The following MEF2A variants were observed in gnomAD, a reference collection of about 807,000 sequenced individuals.
MEF2A encodes myocyte-specific enhancer factor 2A.
In MEF2A, 28 loss-of-function variants were observed where a neutral mutation model predicts 55.8. The observed-to-expected ratio is 0.50, with a 90% CI of 0.37 to 0.69. The LOEUF is 0.69. Among genes scored for constraint, MEF2A ranks in the 30% least tolerant of loss-of-function variants. The pLI, the probability that MEF2A is intolerant of heterozygous loss-of-function variation, is 0.00. For synonymous variants in MEF2A, 239 were observed against 227.1 expected, an observed-to-expected ratio of 1.05 and a Z score of -0.47; for missense variants, 528 against 626.2, an observed-to-expected ratio of 0.84 and a Z score of 1.67.
At chr15:99,685,436 A>AT (rs35134205) in intron 7 of MEF2A, among the ~76,000 whole-genome samples, 12,392 of 144,526 alleles carry the variant, frequency 0.086, 598 homozygotes, top group East Asian at 0.18. Context: ...GTTCCTAAGT[A>AT]TTTTTTTTTT....
intron 3 of MEF2A, 86 bp from the exon 4 acceptor site, chr15:99,645,475 T>A: frequency 3.0e-6 from 3 of 991,960 alleles, no homozygotes; most frequent in Non-Finnish European, 4.5e-6. Context: ...TCTGGCTCAG[T>A]ATTAAGAAGA....
At chr15:99,591,292 T>C (rs1215032578) in intron 1 of MEF2A, among the ~76,000 whole-genome samples, 1 of 152,218 alleles carries the variant, frequency 6.6e-6, no homozygotes, top group African/African-American at 2.4e-5. Context: ...ATATTTCTGC[T>C]TTATATAGAT....
At chr15:99,601,810 TGTGTGTGTGTGTGTG>T (rs1973126348) in intron 2 of MEF2A, among the ~76,000 whole-genome samples, 1 of 2,310 alleles carries the variant, frequency 4.3e-4, no homozygotes, top group African/African-American at 5.0e-4. Context: ...GTCTGTTTTG[TGTGTGTGTGTGTGTG>T]TGTGTGTGTG....
chr15:99,670,168 T>C (rs2050575140), intron 4 of MEF2A, among the ~76,000 whole-genome samples: 1 of 152,228 alleles, frequency 6.6e-6, no homozygotes, highest in African/African-American at 2.4e-5. Context: ...TCTTGGTTTT[T>C]AATTTATCCT....
chr15:99,692,073 A>G (rs1017189684), intron 8 of MEF2A, among the ~76,000 whole-genome samples: 1 of 152,232 alleles, frequency 6.6e-6, no homozygotes, highest in Non-Finnish European at 1.5e-5. Context: ...AGCAGTTGCT[A>G]AACTCACCAT....
At chr15:99,579,552 G>A (rs1173376833) in intron 1 of MEF2A, among the ~76,000 whole-genome samples, 1 of 151,972 alleles carries the variant, frequency 6.6e-6, no homozygotes, top group Admixed American at 6.6e-5. Flanking sequence ...GTGCCACCAT[G>A]CCTGGCTAAT....
intron 4 of MEF2A, among the ~76,000 whole-genome samples, chr15:99,652,366 G>GAGGCAGAGCTC (rs2046999062): frequency 6.6e-6 from 1 of 152,142 alleles, no homozygotes; most frequent in Admixed American, 6.5e-5. Flanking sequence ...GATGTGACGG[G>GAGGCAGAGCTC]AGGCAGAGCT....
chr15:99,686,108 CT>C (rs551500101), intron 7 of MEF2A, among the ~76,000 whole-genome samples: 66 of 152,176 alleles, frequency 4.3e-4, no homozygotes, highest in Middle Eastern at 3.4e-3. Context: ...CACCCCTTTA[CT>C]TTATGTGAGT....
chr15:99,691,424 A>G (rs915725271), intron 8 of MEF2A, among the ~76,000 whole-genome samples: 2 of 152,156 alleles, frequency 1.3e-5, no homozygotes, highest in African/African-American at 4.8e-5. Flanking sequence ...CAGGCAGGGT[A>G]CAGTGGCTCA....
intron 7 of MEF2A, among the ~76,000 whole-genome samples, chr15:99,681,577 T>C (rs1459357985): frequency 6.6e-6 from 1 of 152,208 alleles, no homozygotes; most frequent in East Asian, 1.9e-4. Context: ...AGAAGATATG[T>C]TGCCTTTTGG....
intron 1 of MEF2A, among the ~76,000 whole-genome samples, chr15:99,572,298 G>C (rs762615208): frequency 6.6e-6 from 1 of 151,972 alleles, no homozygotes. Flanking sequence ...TCCCTCCTTG[G>C]GATATTCTTC....
intron 1 of MEF2A, among the ~76,000 whole-genome samples, chr15:99,568,886 A>T (rs899289611): frequency 6.6e-6 from 1 of 152,196 alleles, no homozygotes; most frequent in African/African-American, 2.4e-5. Flanking sequence ...TTATGCGATG[A>T]CACTATGAGA....
At chr15:99,651,235 G>A (rs2046801147) in intron 4 of MEF2A, among the ~76,000 whole-genome samples, 1 of 152,106 alleles carries the variant, frequency 6.6e-6, no homozygotes, top group Admixed American at 6.5e-5. Context: ...ATGAGTCGGA[G>A]GTGGAATCTG....
At chr15:99,697,069 CAATG>C (rs1471310973) in intron 8 of MEF2A, among the ~76,000 whole-genome samples, 2 of 151,396 alleles carry the variant, frequency 1.3e-5, no homozygotes, top group Non-Finnish European at 2.9e-5. Context: ...AAAAAAATCT[CAATG>C]AACTAGTAAT....
At chr15:99,695,032 A>C (rs2056208702) in intron 8 of MEF2A, among the ~76,000 whole-genome samples, 1 of 150,690 alleles carries the variant, frequency 6.6e-6, no homozygotes, top group East Asian at 1.9e-4. Flanking sequence ...CCGGCACTAT[A>C]ATATATTCTA....
rs771456542 is a variant in MEF2A, at chr15:99,712,690, T to C, written c.1437T>C (p.Ile479=). The change falls in exon 12 of 12, where the codon ATT becomes ATC. Residue 479 remains isoleucine (I), a synonymous_variant. Coordinates refer to ENST00000557942, the MANE Select transcript of MEF2A (RefSeq NM_001319206.4). This position sits in a 1 kb window ranked among gnomAD's most constrained non-coding sequence, Gnocchi z 4.1. ...CACGGGGCGACTTCCATTCTCCAATTGTGCTTGGCCGACCCCCAAACACTG... is the reference window on the plus strand; with the variant it reads ...CACGGGGCGACTTCCATTCTCCAATCGTGCTTGGCCGACCCCCAAACACTG... The part of the protein sequence containing the change: ...EDPRGDFHSP[I]VLGRPPNTED... 35 of 1,562,888 alleles carry C rather than the reference T, an allele frequency of 2.2e-5. No homozygotes were observed. The highest frequency in any genetic ancestry group is 2.9e-5 in the Non-Finnish European group (33 of 1,153,434).
chr15:99,699,813 A>G (rs555491379), intron 8 of MEF2A, among the ~76,000 whole-genome samples: 9 of 152,186 alleles, frequency 5.9e-5, no homozygotes, highest in African/African-American at 2.2e-4. Flanking sequence ...GTAAATAAAC[A>G]AATGGACATT....
intron 3 of MEF2A, among the ~76,000 whole-genome samples, chr15:99,635,547 C>G (rs2043650935): frequency 6.6e-6 from 1 of 152,082 alleles, no homozygotes; most frequent in African/African-American, 2.4e-5. Flanking sequence ...GACCGTGTAG[C>G]CAGCATATCC....
chr15:99,607,608 T>A (rs920479790), intron 2 of MEF2A, among the ~76,000 whole-genome samples: 7 of 152,234 alleles, frequency 4.6e-5, no homozygotes, highest in Non-Finnish European at 7.4e-5. Context: ...TCCTGAGAAG[T>A]ATTTGAGATA....
Sources: allele counts gnomAD v4.1 joint callset (sites outside exome capture counted in the v4.1 genomes callset), GRCh38; gene constraint gnomAD v4.1.1; non-coding constraint Gnocchi (gnomAD v3.1); transcripts MANE v1.5; gene names NCBI Gene and HGNC (gene_info 2026-07-23, HGNC 2026-07-21).